The following TENM2 variants were observed in gnomAD, a reference collection of about 807,000 sequenced individuals.
TENM2 encodes teneurin transmembrane protein 2, also known as teneurin-2.
TENM2 carries 52 observed loss-of-function variants against 245.2 expected under a neutral mutation model. That is an observed-to-expected ratio of 0.21 (90% CI 0.17 to 0.27). TENM2 has a LOEUF of 0.27. Ranked by LOEUF, TENM2 falls within the 10% of genes least tolerant of loss-of-function variation. The probability of loss-of-function intolerance (pLI) is 1.00; values close to 1 mark genes in which losing one functional copy is unlikely to be tolerated. For missense variants in TENM2, 3,046 were observed against 3,666.8 expected (o/e 0.83, Z 4.37); for synonymous variants, 1,363 against 1,438.9 (o/e 0.95, Z 1.19).
At chr5:167,383,657 T>C (rs1007679040) in intron 2 of TENM2, among the ~76,000 whole-genome samples, 8 of 148,946 alleles carry the variant, frequency 5.4e-5, no homozygotes, top group Non-Finnish European at 1.0e-4. Flanking sequence ...TTACATTCTG[T>C]CCTCTCGTTA....
the TENM2 span, among the ~76,000 whole-genome samples, chr5:167,078,726 A>T: frequency 2.0e-5 from 3 of 152,174 alleles, no homozygotes; most frequent in Non-Finnish European, 4.4e-5. Context: ...TCATCAAAAA[A>T]CCAACAGATC....
intron 6 of TENM2, among the ~76,000 whole-genome samples, chr5:168,052,968 T>C (rs1160349907): frequency 1.3e-5 from 2 of 152,350 alleles, no homozygotes; most frequent in East Asian, 3.9e-4. Flanking sequence ...TGCGTGGTAC[T>C]AGGAGCCAGA....
the TENM2 span, among the ~76,000 whole-genome samples, chr5:167,118,869 G>A: frequency 4.6e-5 from 7 of 152,284 alleles, no homozygotes; most frequent in Non-Finnish European, 7.4e-5. Context: ...TCTTAAGAAG[G>A]ACTTCAGGAA....
chr5:167,136,945 T>C, the TENM2 span, among the ~76,000 whole-genome samples: 18 of 152,320 alleles, frequency 1.2e-4, no homozygotes, highest in Admixed American at 9.1e-4. Flanking sequence ...AACATAAATT[T>C]ATTTCTCACA....
chr5:167,576,229 C>T (rs1774674311), intron 2 of TENM2, among the ~76,000 whole-genome samples: 1 of 151,956 alleles, frequency 6.6e-6, no homozygotes, highest in African/African-American at 2.4e-5. Flanking sequence ...ACTTTTTAGG[C>T]AGATGGTAAT....
chr5:167,930,555 G>T (rs1456018896), intron 3 of TENM2, among the ~76,000 whole-genome samples: 1 of 151,842 alleles, frequency 6.6e-6, no homozygotes, highest in African/African-American at 2.4e-5. Context: ...GCTCACTGTA[G>T]CCTTGACCTC....
intron 12 of TENM2, among the ~76,000 whole-genome samples, chr5:168,160,036 A>T (rs1382960973): frequency 1.3e-5 from 2 of 152,202 alleles, no homozygotes; most frequent in African/African-American, 4.8e-5. Context: ...ATGAGACCTC[A>T]AAGTAGCTAA....
chr5:168,238,258 A>AGAAAAGAAAG (rs1562321153), intron 25 of TENM2, among the ~76,000 whole-genome samples: 34 of 145,682 alleles, frequency 2.3e-4, no homozygotes, highest in African/African-American at 8.8e-4. Context: ...AGAAAAGAAA[A>AGAAAAGAAAG]GAAAAGAAAA....
At chr5:167,769,002 CT>C (rs1561759826) in intron 2 of TENM2, among the ~76,000 whole-genome samples, 5 of 152,160 alleles carry the variant, frequency 3.3e-5, no homozygotes, top group African/African-American at 1.2e-4. Context: ...AATAGTGTTA[CT>C]TTACAGTTAA....
At chr5:167,954,263 C>G (rs1457120250) in intron 4 of TENM2, among the ~76,000 whole-genome samples, 1 of 152,092 alleles carries the variant, frequency 6.6e-6, no homozygotes, top group African/African-American at 2.4e-5. Flanking sequence ...AACGTTATAA[C>G]AACCACATCT....
chr5:168,136,259 A>C (rs1386358335), intron 12 of TENM2, among the ~76,000 whole-genome samples: 1 of 152,184 alleles, frequency 6.6e-6, no homozygotes, highest in Non-Finnish European at 1.5e-5. Flanking sequence ...GGAATCATTC[A>C]CATCACCTCA....
chr5:167,106,512 A>C, the TENM2 span, among the ~76,000 whole-genome samples: 5 of 152,230 alleles, frequency 3.3e-5, no homozygotes, highest in African/African-American at 1.2e-4. Flanking sequence ...GGTGATTTGG[A>C]ATCAAAAAGT....
the TENM2 span, among the ~76,000 whole-genome samples, chr5:167,174,949 G>C: frequency 6.6e-6 from 1 of 150,704 alleles, no homozygotes; most frequent in Non-Finnish European, 1.5e-5. Context: ...GGCTAATTTC[G>C]CTTAGCACAA....
intron 5 of TENM2, among the ~76,000 whole-genome samples, chr5:168,043,942 A>G (rs1334738996): frequency 6.6e-6 from 1 of 152,220 alleles, no homozygotes; most frequent in Non-Finnish European, 1.5e-5. Flanking sequence ...CCAGATCACT[A>G]TGAAATATGA....
chr5:167,861,493 G>T (rs1771801114), intron 2 of TENM2, among the ~76,000 whole-genome samples: 1 of 152,182 alleles, frequency 6.6e-6, no homozygotes, highest in African/African-American at 2.4e-5. Flanking sequence ...ATCGTCACAT[G>T]CGAAGAACAG....
intron 2 of TENM2, among the ~76,000 whole-genome samples, chr5:167,808,051 C>G (rs1561804412): frequency 6.6e-6 from 1 of 152,158 alleles, no homozygotes; most frequent in East Asian, 1.9e-4. Context: ...CAATCACTGG[C>G]AGAAGAACTC....
chr5:167,929,453 A>G (rs1187779368), intron 3 of TENM2, among the ~76,000 whole-genome samples: 2 of 152,200 alleles, frequency 1.3e-5, no homozygotes, highest in Non-Finnish European at 2.9e-5. Flanking sequence ...TAGTTCCAGA[A>G]TACCCTGCAC....
At chr5:167,827,686 T>C (rs1281911131) in intron 2 of TENM2, among the ~76,000 whole-genome samples, 1 of 145,890 alleles carries the variant, frequency 6.9e-6, no homozygotes, top group Non-Finnish European at 1.5e-5. Flanking sequence ...TATTTAAAAC[T>C]TCTTACCTGA....
intron 4 of TENM2, among the ~76,000 whole-genome samples, chr5:167,992,318 T>A (rs879281848): frequency 6.6e-6 from 1 of 152,164 alleles, no homozygotes; most frequent in African/African-American, 2.4e-5. Flanking sequence ...TTAAAAATTT[T>A]AAAAAATAAT....
Sources: gnomAD v4.1 joint callset for allele counts (sites outside exome capture counted in the v4.1 genomes callset) on GRCh38, gnomAD v4.1.1 for gene constraint, MANE v1.5 for transcripts, NCBI Gene and HGNC (gene_info 2026-07-23, HGNC 2026-07-21) for gene names.